DCDC1: variants seen among roughly 807,000 people sequenced by gnomAD.
DCDC1 encodes the protein doublecortin domain-containing protein 1.
In DCDC1, 200 loss-of-function variants were observed where a neutral mutation model predicts 178.3. That is an observed-to-expected ratio of 1.12 (90% confidence interval 1.00 to 1.26). DCDC1 has a LOEUF of 1.26. Among genes scored for constraint, DCDC1 ranks in the 50% most tolerant of loss-of-function variants. DCDC1 has a pLI of 0.00. For synonymous variants in DCDC1, 690 were observed against 604.8 expected (o/e 1.14, Z -2.07); for missense variants, 1,983 against 1,749.2 (o/e 1.13, Z -2.38).
intron 31 of DCDC1, 105 bp from the exon 32 acceptor site, chr11:30,903,788 T>C: frequency 9.8e-7 from 1 of 1,022,264 alleles, no homozygotes; most frequent in Non-Finnish European, 1.3e-6. Context: ...AATAATTGAA[T>C]TTGAGAAAAT....
rs531208281 is a variant in DCDC1, at chr11:31,187,217, T to C, written c.1222-49433A>G. Among the ~76,000 whole-genome samples the C allele has an allele frequency of 1.1e-4, 16 of 152,342 alleles. No individual in the cohort carries two copies. The South Asian group carries it at 2.9e-3, about 28-fold the overall frequency. On this transcript the variant is annotated intron_variant, in intron 9 of 38. Transcript: ENST00000684477. ...ATAGTAGGTACTTAGTAAATATTTG[T>C]TGAATGAATAAGACCACAACAGCAC...
chr11:31,186,465 C>T (rs1969505800), intron 9 of DCDC1, among the ~76,000 whole-genome samples: 1 of 152,182 alleles, frequency 6.6e-6, no homozygotes, highest in South Asian at 2.1e-4. Context: ...CCCATGAGGC[C>T]TACCTACCTC....
At position 30,952,490 on chromosome 11, in the gene DCDC1, C is replaced by A; in HGVS notation, c.2670G>T (p.Lys890Asn). Residue 890 changes from lysine (K) to asparagine (N), a missense_variant, in exon 21 of 39, where the codon AAG becomes AAT. Lys to Asn is a moderately conservative substitution (Grantham distance 94). Transcript: ENST00000684477. Reference protein sequence around the residue: ...HSRVENPLWNKLTYMWPVLPS... With the variant: ...HSRVENPLWNNLTYMWPVLPS... Reference sequence around the variant, plus strand: ...GAAGGACAGGCCACATGTAGGTAAGCTTGTTCCATAGAGGATTTTCAACTC... The same window carrying A: ...GAAGGACAGGCCACATGTAGGTAAGATTGTTCCATAGAGGATTTTCAACTC... 2 of 1,586,662 alleles carry A rather than the reference C, an allele frequency of 1.3e-6. No homozygotes were observed. The highest frequency in any genetic ancestry group is 1.7e-6 in the Non-Finnish European group (2 of 1,171,072).
chr11:30,956,424 G>A (rs1254044054), intron 20 of DCDC1, among the ~76,000 whole-genome samples: 1 of 151,828 alleles, frequency 6.6e-6, no homozygotes, highest in African/African-American at 2.4e-5. Flanking sequence ...TTTTTATGTT[G>A]TTCACTATTT....
Position 31,215,181 on chromosome 11 carries a change from G to C in DCDC1, c.1221+26269C>G, listed in dbSNP as rs775053259. On this transcript the variant is annotated intron_variant, in intron 9 of 38. Coordinates refer to ENST00000684477, the MANE Select transcript of DCDC1 (RefSeq NM_001387274.1). Reference sequence around the variant, plus strand: ...GCAGTGGCTCACACCTGTAGTCTCAGCAACTCGGAAGGCTGAGGCAGGAGG... The same window carrying C: ...GCAGTGGCTCACACCTGTAGTCTCACCAACTCGGAAGGCTGAGGCAGGAGG... 1.6e-5 allele frequency: 4 copies of C among 255,176 alleles called. No individual in the cohort carries two copies. In the South Asian group the frequency reaches 1.7e-4, roughly 11 times the overall value. The allele number at this position is 255,176 out of a possible 1,614,324, so 15.8% of individuals were successfully genotyped here. A position where few individuals can be genotyped will look rare whatever the true frequency, so the allele number is the denominator to read the frequency against.
intron 1 of DCDC1, among the ~76,000 whole-genome samples, chr11:31,343,355 G>A (rs1213599335): frequency 6.6e-6 from 1 of 152,102 alleles, no homozygotes; most frequent in Non-Finnish European, 1.5e-5. Context: ...TGCCCAGGCT[G>A]GAGTACAATG....
intron 38 of DCDC1, among the ~76,000 whole-genome samples, chr11:30,877,563 T>C (rs1484186176): frequency 6.6e-6 from 1 of 152,172 alleles, no homozygotes; most frequent in Non-Finnish European, 1.5e-5. Context: ...AGTGCATATA[T>C]CCTTTCCCTA....
chr11:30,925,779 T>G lies in DCDC1; in HGVS notation c.2898-371A>C, dbSNP rs1946552897. Among the ~76,000 whole-genome samples the G allele has an allele frequency of 2.6e-5, 4 of 152,214 alleles. No individual in the cohort carries two copies. The South Asian group carries it at 6.2e-4, about 24-fold the overall frequency. On this transcript the variant is annotated intron_variant, in intron 22 of 38. Transcript: ENST00000684477. ...CCCCACACTTTTCTATTTCTGTGCC[T>G]GCGTTCTTTCTCCTACCTAAAAAAA...
intron 3 of DCDC1, among the ~76,000 whole-genome samples, chr11:31,327,175 G>A (rs776630883): frequency 3.3e-5 from 5 of 151,992 alleles, no homozygotes; most frequent in Non-Finnish European, 7.4e-5. Context: ...GTTTTGTTTT[G>A]TTTTGTTTTT....
rs770232410 is a variant in DCDC1, at chr11:30,906,596, T to C, written c.4048A>G (p.Thr1350Ala). Residue 1350 changes from threonine (T) to alanine (A), a missense_variant, in exon 30 of 39, where the codon ACC (threonine) becomes GCC (alanine). By Grantham distance (58) the Thr-to-Ala change is moderately conservative. Coordinates refer to ENST00000684477, the MANE Select transcript of DCDC1 (RefSeq NM_001387274.1). ...PGVPFLCISG[T>A]KTQKPFLQGP... ...TGTAAGAAGGGCTTCTGAGTCTTGGTGCCTGAAATACAGAGGAATGGAACC... is the reference window on the plus strand; with the variant it reads ...TGTAAGAAGGGCTTCTGAGTCTTGGCGCCTGAAATACAGAGGAATGGAACC... 1 of 1,613,362 alleles carries C rather than the reference T, an allele frequency of 6.2e-7. No individual in the cohort carries two copies. Among genetic ancestry groups the C allele is most frequent in the Non-Finnish European group, 8.5e-7 (1 of 1,179,644 alleles).
intron 33 of DCDC1, 115 bp downstream of exon 33, chr11:30,900,231 G>A: frequency 1.1e-6 from 1 of 940,696 alleles, no homozygotes; most frequent in Non-Finnish European, 1.4e-6. Context: ...GTATAAATGT[G>A]ATGTTATTAT....
intron 20 of DCDC1, among the ~76,000 whole-genome samples, chr11:30,958,500 C>A (rs1948898405): frequency 6.6e-6 from 1 of 152,112 alleles, no homozygotes; most frequent in Admixed American, 6.6e-5. Context: ...CTCCCAGAAG[C>A]AGTTGGCATC....
At chr11:30,946,990 A>C (rs951159550) in intron 21 of DCDC1, among the ~76,000 whole-genome samples, 1 of 152,212 alleles carries the variant, frequency 6.6e-6, no homozygotes, top group Non-Finnish European at 1.5e-5. Context: ...CTGAAAACGT[A>C]AACCATAAAT....
chr11:31,184,359 A>G (rs1455734814), intron 9 of DCDC1, among the ~76,000 whole-genome samples: 2 of 152,210 alleles, frequency 1.3e-5, no homozygotes, highest in Non-Finnish European at 2.9e-5. Flanking sequence ...AGGCAATACC[A>G]TTCAGGATAT....
intron 38 of DCDC1, among the ~76,000 whole-genome samples, chr11:30,866,572 A>C (rs2133895624): frequency 6.6e-6 from 1 of 152,236 alleles, no homozygotes; most frequent in African/African-American, 2.4e-5. Context: ...AGGGACACAA[A>C]TTTTCAGTCC....
At chr11:31,336,865 T>C (rs1248821188) in intron 1 of DCDC1, among the ~76,000 whole-genome samples, 1 of 152,208 alleles carries the variant, frequency 6.6e-6, no homozygotes, top group African/African-American at 2.4e-5. Context: ...TCCTTCCTTC[T>C]GCTACCTAGA....
chr11:30,870,025 G>C (rs1941388519), intron 38 of DCDC1, among the ~76,000 whole-genome samples: 1 of 152,194 alleles, frequency 6.6e-6, no homozygotes, highest in Admixed American at 6.5e-5. Context: ...TATTATACCA[G>C]TGAGTGATGG....
chr11:31,098,667 A>G (rs1401539699), intron 15 of DCDC1, among the ~76,000 whole-genome samples: 2 of 152,220 alleles, frequency 1.3e-5, no homozygotes, highest in African/African-American at 4.8e-5. Context: ...AAGATTCTAC[A>G]ATAAAATGCC....
At chr11:31,015,591 C>T (rs1185010105) in intron 20 of DCDC1, among the ~76,000 whole-genome samples, 1 of 152,088 alleles carries the variant, frequency 6.6e-6, no homozygotes, top group Non-Finnish European at 1.5e-5. Context: ...AATTTAAAAG[C>T]CTGATGTTAG....
Sources: gnomAD v4.1 joint callset for allele counts (sites outside exome capture counted in the v4.1 genomes callset) on GRCh38, gnomAD v4.1.1 for gene constraint, MANE v1.5 for transcripts, NCBI Gene and HGNC (gene_info 2026-07-23, HGNC 2026-07-21) for gene names.